The following FAT3 variants were observed in gnomAD, a reference collection of about 807,000 sequenced individuals.
The protein encoded by FAT3 is protocadherin Fat 3.
In FAT3, 95 loss-of-function variants were observed where a neutral mutation model predicts 310.2. The ratio of observed to expected loss-of-function variants is 0.31; its 90% CI spans 0.26 to 0.36. The LOEUF (loss-of-function observed/expected upper bound fraction) is 0.36. Among genes scored for constraint, FAT3 ranks in the 10% least tolerant of loss-of-function variants. The probability of loss-of-function intolerance (pLI) is 1.00; values close to 1 mark genes in which losing one functional copy is unlikely to be tolerated. For missense variants in FAT3, 5,408 were observed against 5,715.6 expected (o/e 0.95, Z 1.74); for synonymous variants, 2,314 against 2,192.9 (o/e 1.06, Z -1.54).
At chr11:92,283,680 T>C (rs946641962) in intron 1 of FAT3, among the ~76,000 whole-genome samples, 1 of 152,198 alleles carries the variant, frequency 6.6e-6, no homozygotes, top group Non-Finnish European at 1.5e-5. Context: ...GAGACTGGAA[T>C]AGCATGTCTT....
chr11:92,234,390 A>G (rs55943280), intron 1 of FAT3, among the ~76,000 whole-genome samples: 1,624 of 152,322 alleles, frequency 0.011, 26 homozygotes, highest in African/African-American at 0.037. Context: ...AGAGGGGAAA[A>G]TAAAGGGAGA....
At position 92,715,001 on chromosome 11, in the gene FAT3, G is replaced by T. The variant is rs534951863; in HGVS notation, c.3669+17556G>T. Among the ~76,000 whole-genome samples, 9 of 151,792 alleles carry T rather than the reference G, an allele frequency of 5.9e-5. No individual in the cohort carries two copies. The South Asian group carries it at 1.9e-3, about 32-fold the overall frequency. ...TTAAAACATTCCAGTAGTTTATGGG[G>T]TATGGGTTGTTTTTTGTTACATGGA... On this transcript the variant is annotated intron_variant, in intron 4 of 27. Coordinates refer to ENST00000525166, the MANE Select transcript of FAT3 (RefSeq NM_001367949.2).
intron 3 of FAT3, among the ~76,000 whole-genome samples, chr11:92,664,556 T>C (rs553083988): frequency 6.6e-6 from 1 of 152,276 alleles, no homozygotes; most frequent in East Asian, 1.9e-4. Flanking sequence ...AGATAAAACA[T>C]CTAACACAAT....
chr11:92,551,020 G>A (rs146076847), intron 3 of FAT3, among the ~76,000 whole-genome samples: 29 of 151,832 alleles, frequency 1.9e-4, no homozygotes, highest in Non-Finnish European at 3.1e-4. Flanking sequence ...CCCAGTCCCC[G>A]TATTCTGAAC....
intron 9 of FAT3, among the ~76,000 whole-genome samples, chr11:92,796,932 C>CA (rs1463917324): frequency 6.6e-6 from 1 of 152,210 alleles, no homozygotes; most frequent in East Asian, 1.9e-4. Flanking sequence ...CCAGCTCTAT[C>CA]AAAGTGGGGT....
intron 3 of FAT3, among the ~76,000 whole-genome samples, chr11:92,529,162 A>C (rs545023327): frequency 6.6e-6 from 1 of 152,246 alleles, no homozygotes; most frequent in African/African-American, 2.4e-5. Context: ...CAGAACCATC[A>C]TACTTACCAT....
At chr11:92,575,289 A>G (rs908199653) in intron 3 of FAT3, among the ~76,000 whole-genome samples, 1 of 152,150 alleles carries the variant, frequency 6.6e-6, no homozygotes, top group Non-Finnish European at 1.5e-5. Flanking sequence ...TTCCTATGCA[A>G]TGCTCACCAT....
chr11:92,683,923 T>A (rs1198775455), intron 3 of FAT3, among the ~76,000 whole-genome samples: 1 of 152,210 alleles, frequency 6.6e-6, no homozygotes, highest in Non-Finnish European at 1.5e-5. Context: ...AATTAAATAA[T>A]CTTGTTGAGT....
At chr11:92,518,573 A>T (rs562098029) in intron 2 of FAT3, among the ~76,000 whole-genome samples, 1 of 152,206 alleles carries the variant, frequency 6.6e-6, no homozygotes, top group Admixed American at 6.5e-5. Flanking sequence ...TGACAGGTTA[A>T]TGGGTGCAGC....
intron 3 of FAT3, among the ~76,000 whole-genome samples, chr11:92,571,378 A>C (rs1197985640): frequency 1.3e-5 from 2 of 152,164 alleles, no homozygotes; most frequent in African/African-American, 2.4e-5. Context: ...TGCTGGCCTC[A>C]GAATTAGTGA....
intron 3 of FAT3, among the ~76,000 whole-genome samples, chr11:92,647,536 A>G (rs1456333082): frequency 6.6e-6 from 1 of 152,160 alleles, no homozygotes; most frequent in Non-Finnish European, 1.5e-5. Context: ...TAAATATTTC[A>G]AGGATATTCT....
At chr11:92,528,060 T>C (rs1176169259) in intron 3 of FAT3, among the ~76,000 whole-genome samples, 1 of 152,234 alleles carries the variant, frequency 6.6e-6, no homozygotes, top group African/African-American at 2.4e-5. Flanking sequence ...AATGCCAAGA[T>C]GTATGATATA....
chr11:92,235,398 T>C (rs576458437), intron 1 of FAT3, among the ~76,000 whole-genome samples: 2 of 152,280 alleles, frequency 1.3e-5, no homozygotes, highest in African/African-American at 4.8e-5. Flanking sequence ...CCCCTACACT[T>C]TGTGGTATTA....
chr11:92,467,236 G>A (rs1951787138), intron 2 of FAT3, among the ~76,000 whole-genome samples: 1 of 152,086 alleles, frequency 6.6e-6, no homozygotes, highest in Non-Finnish European at 1.5e-5. Context: ...ATCCTCTCCA[G>A]CACCTGTTGT....
intron 3 of FAT3, among the ~76,000 whole-genome samples, chr11:92,584,374 A>G (rs1402498779): frequency 6.6e-6 from 1 of 152,060 alleles, no homozygotes; most frequent in Non-Finnish European, 1.5e-5. Flanking sequence ...TCCCTAATTC[A>G]TAGAATTAAT....
At chr11:92,420,712 A>G (rs1417651123) in intron 2 of FAT3, among the ~76,000 whole-genome samples, 1 of 152,118 alleles carries the variant, frequency 6.6e-6, no homozygotes, top group African/African-American at 2.4e-5. Context: ...TCCTTTTTTT[A>G]AAACAAGGGA....
Position 92,665,797 on chromosome 11 carries a change from G to T in FAT3, c.3608-31587G>T, listed in dbSNP as rs573166510. ...GTTCATATTATCATGTAGCCATGGT[G>T]TTACAATGACAGTGACATTTCCTGT... On this transcript the variant is annotated intron_variant, in intron 3 of 27. Coordinates refer to ENST00000525166, the MANE Select transcript of FAT3 (RefSeq NM_001367949.2). 9.9e-5 allele frequency among the ~76,000 whole-genome samples: 15 copies of T among 152,280 alleles called. No homozygotes were observed. The South Asian group carries it at 3.1e-3, about 32-fold the overall frequency.
At chr11:92,412,734 T>TATATACATACAC (rs1555038577) in intron 2 of FAT3, among the ~76,000 whole-genome samples, 3 of 11,880 alleles carry the variant, frequency 2.5e-4, no homozygotes, top group African/African-American at 5.2e-4. Flanking sequence ...TATATATATA[T>TATATACATACAC]ATATATATAT....
intron 4 of FAT3, among the ~76,000 whole-genome samples, chr11:92,742,522 A>AAAGTTT (rs1216564293): frequency 6.6e-6 from 1 of 152,212 alleles, no homozygotes; most frequent in East Asian, 1.9e-4. Flanking sequence ...AACAATCCCC[A>AAAGTTT]ATGCAACCAT....
Sources: allele counts gnomAD v4.1 joint callset (sites outside exome capture counted in the v4.1 genomes callset), GRCh38; gene constraint gnomAD v4.1.1; transcripts MANE v1.5; gene names NCBI Gene and HGNC (gene_info 2026-07-23, HGNC 2026-07-21).